PSTPIP1: variants seen among roughly 807,000 people sequenced by gnomAD.
PSTPIP1 encodes the protein proline-serine-threonine phosphatase interacting protein 1.
PSTPIP1 carries 66 observed loss-of-function variants against 69.6 expected under a neutral mutation model. The ratio of observed to expected loss-of-function variants is 0.95; its 90% CI spans 0.78 to 1.16. PSTPIP1 has a LOEUF of 1.16. Ranked by LOEUF, PSTPIP1 falls within the 50% of genes most tolerant of loss-of-function variation. The probability of loss-of-function intolerance (pLI) is 0.00; values close to 1 mark genes in which losing one functional copy is unlikely to be tolerated. For missense variants in PSTPIP1, 603 were observed against 557.4 expected (o/e 1.08, Z -0.82); for synonymous variants, 266 against 222.7 (o/e 1.19, Z -1.73).
rs753691479 is a variant in PSTPIP1, at chr15:77,018,249, G to A, written c.137+1G>A. 3 of 1,572,758 alleles carry A rather than the reference G, an allele frequency of 1.9e-6. No individual in the cohort carries two copies. Among genetic ancestry groups the A allele is most frequent in the Non-Finnish European group, 2.6e-6 (3 of 1,160,148 alleles). On this transcript the variant is annotated splice_donor_variant, in intron 2 of 14. Transcript: ENST00000558012. LOFTEE classifies it high-confidence loss of function. ...ACATGGAGGAGCTACTGAGGCAGAGGTGAGCTGCTGGGCAGGCCATGGGGA... is the reference window on the plus strand; with the variant it reads ...ACATGGAGGAGCTACTGAGGCAGAGATGAGCTGCTGGGCAGGCCATGGGGA...
At position 77,032,301 on chromosome 15, in the gene PSTPIP1, T is replaced by C; in HGVS notation, c.745T>C (p.Tyr249His). ...SMQCVKDDEL[Y>H]EEVRLTLEGC... ...CCTCTGCTCTTTCCTGCCCCAGCTC[T>C]ACGAGGAAGTGCGGCTGACGCTGGA... Residue 249 changes from tyrosine to histidine, a missense_variant, in exon 11 of 15, where the codon TAC becomes CAC. Physicochemically the swap from Tyr to His is moderately conservative, Grantham distance 83. Coordinates refer to ENST00000558012, the MANE Select transcript of PSTPIP1 (RefSeq NM_003978.5). The C allele has an allele frequency of 1.2e-6, 2 of 1,612,422 alleles. No homozygotes were observed. The highest frequency in any genetic ancestry group is 2.2e-5 in the South Asian group (2 of 91,056).
rs79438763 is a variant in PSTPIP1, at chr15:77,018,276, C to T, written c.137+28C>T. ...GAGCTGCTGGGCAGGCCATGGGGAG[C>T]GCAGGCAGGAAGCAGGTGGCTTCCG... On this transcript the variant is annotated intron_variant, in intron 2 of 14. Transcript: ENST00000558012. 0.035 allele frequency: 55,115 copies of T among 1,557,536 alleles called. 1,142 individuals carry two copies. The highest frequency in any genetic ancestry group is 0.041 in the Non-Finnish European group (47,162 of 1,151,066).
At chr15:76,999,089 C>A (rs1398462124) in intron 1 of PSTPIP1, among the ~76,000 whole-genome samples, 1 of 152,170 alleles carries the variant, frequency 6.6e-6, no homozygotes, top group Non-Finnish European at 1.5e-5. Context: ...AGGGTCCTCC[C>A]CCTGCCCCCA....
At chr15:77,029,616 T>C in intron 8 of PSTPIP1, 42 bp downstream of exon 8, 3 of 1,546,426 alleles carry the variant, frequency 1.9e-6, no homozygotes, top group Non-Finnish European at 2.6e-6. Context: ...GGCGGAGGCC[T>C]GGGCGGTACT....
intron 1 of PSTPIP1, among the ~76,000 whole-genome samples, chr15:77,002,891 G>A (rs1255653551): frequency 6.6e-6 from 1 of 152,196 alleles, no homozygotes; most frequent in African/African-American, 2.4e-5. Flanking sequence ...GAGAAGGAGG[G>A]CCTTGCTTTG....
Position 76,995,316 on chromosome 15 carries a change from G to C in PSTPIP1, c.-258G>C. The C allele has an allele frequency of 7.2e-7, 1 of 1,387,006 alleles. No homozygotes were observed. The highest frequency in any genetic ancestry group is 1.9e-4 in the Middle Eastern group (1 of 5,302). The allele number at this position is 1,387,006 out of a possible 1,614,324, so 85.9% of individuals were successfully genotyped here. On this transcript the variant is annotated 5_prime_UTR_variant, in exon 1 of 15. Transcript: ENST00000558012. ...GGGGCTGGGCTGGACACCAGGGCCCGCCCTCCCATCACTGAGCTCCACTCC... is the reference window on the plus strand; with the variant it reads ...GGGGCTGGGCTGGACACCAGGGCCCCCCCTCCCATCACTGAGCTCCACTCC...
intron 5 of PSTPIP1, chr15:77,026,049 A>G (rs2152684266): frequency 2.2e-6 from 1 of 457,198 alleles, no homozygotes; most frequent in Non-Finnish European, 4.4e-6. Flanking sequence ...GGGGTCAGAC[A>G]CAGACTGGGG....
upstream of PSTPIP1, chr15:76,994,904 G>A: frequency 7.8e-7 from 1 of 1,283,222 alleles, no homozygotes; most frequent in Non-Finnish European, 1.0e-6. Context: ...CTGGCTGGCG[G>A]GTGACACACC....
chr15:77,014,444 A>G (rs1237685589), intron 1 of PSTPIP1, among the ~76,000 whole-genome samples: 1 of 152,148 alleles, frequency 6.6e-6, no homozygotes, highest in Admixed American at 6.5e-5. Flanking sequence ...CAGCCTCTCA[A>G]ACAGGCCCGA....
rs564351665 is a variant in PSTPIP1 at position 77,027,031 on chromosome 15, C to T, written c.355-821C>T. ...GCCACAGAGCAAGGACATGTGCTTA[C>T]AGGATGGTGCACACGTGCCTACGCT... On this transcript the variant is annotated intron_variant, in intron 5 of 14. Transcript: ENST00000558012. The surrounding 1 kb of genome is among the most constrained non-coding windows in gnomAD (Gnocchi z 4.3). 6.6e-6 allele frequency among the ~76,000 whole-genome samples: 1 copy of T among 152,350 alleles called. No individual in the cohort carries two copies. The highest frequency in any genetic ancestry group is 1.9e-4 in the East Asian group (1 of 5,188).
At chr15:77,036,996 C>G (rs1346097658) in intron 14 of PSTPIP1, 49 bp from the exon 15 acceptor site, 4 of 1,578,522 alleles carry the variant, frequency 2.5e-6, no homozygotes, top group South Asian at 1.1e-5. Flanking sequence ...CCTGCAGGCC[C>G]TTCCCTGCAG....
At chr15:77,031,832 TG>T in intron 10 of PSTPIP1, 1 of 179,788 alleles carries the variant, frequency 5.6e-6, no homozygotes. Context: ...CCCCCTTGCC[TG>T]CTGTGTTTCC....
At chr15:77,018,395 C>A in intron 2 of PSTPIP1, 62 bp from the exon 3 acceptor site, 1 of 1,547,432 alleles carries the variant, frequency 6.5e-7, no homozygotes, top group East Asian at 2.4e-5. Flanking sequence ...TTCCCTCAAA[C>A]CTGGGCCTCC....
At chr15:77,024,598 G>T (rs1252952828) in intron 3 of PSTPIP1, among the ~76,000 whole-genome samples, 1 of 152,098 alleles carries the variant, frequency 6.6e-6, no homozygotes, top group Non-Finnish European at 1.5e-5. Flanking sequence ...ATACTACAAG[G>T]GGCATACTAT....
intron 1 of PSTPIP1, among the ~76,000 whole-genome samples, chr15:77,017,181 G>T (rs1008981475): frequency 6.6e-6 from 1 of 152,062 alleles, no homozygotes; most frequent in Non-Finnish European, 1.5e-5. Context: ...CGGGGATCCT[G>T]GCCCCGGGAC....
intron 11 of PSTPIP1, 60 bp from the exon 12 acceptor site, chr15:77,032,802 T>A: frequency 1.4e-6 from 2 of 1,432,142 alleles, no homozygotes; most frequent in Non-Finnish European, 9.5e-7. Flanking sequence ...CAGCTGAGTC[T>A]GGCAGGGCCA....
chr15:77,025,306 T>C lies in PSTPIP1; in HGVS notation c.235T>C (p.Ser79Pro). The change falls in exon 4 of 15, where the codon TCC becomes CCC. Residue 79 changes from serine to proline, a missense_variant. Physicochemically the swap from Ser to Pro is moderately conservative, Grantham distance 74. Transcript: ENST00000558012. ...CAGCTCCCTGAGGGCCTCCTTTGAC[T>C]CCTTGAAGCAGCGTAAGTCCCCTAC... ...EINSLRASFD[S>P]LKQQMENVGS... 1 of 1,610,956 alleles carries C rather than the reference T, an allele frequency of 6.2e-7. No individual in the cohort carries two copies.
chr15:77,009,527 T>A (rs1390241208), intron 1 of PSTPIP1, among the ~76,000 whole-genome samples: 1 of 152,122 alleles, frequency 6.6e-6, no homozygotes, highest in Non-Finnish European at 1.5e-5. Flanking sequence ...TCTAGAGAAG[T>A]GTCCCAGCTA....
At chr15:77,023,342 A>G (rs1473068500) in intron 3 of PSTPIP1, among the ~76,000 whole-genome samples, 1 of 152,246 alleles carries the variant, frequency 6.6e-6, no homozygotes, top group African/African-American at 2.4e-5. Context: ...GGAGATGGGC[A>G]CGTGCAAAGG....
Sources: gnomAD v4.1 joint callset for allele counts (sites outside exome capture counted in the v4.1 genomes callset) on GRCh38, gnomAD v4.1.1 for gene constraint, Gnocchi (gnomAD v3.1) non-coding constraint, MANE v1.5 for transcripts, NCBI Gene and HGNC (gene_info 2026-07-23, HGNC 2026-07-21) for gene names.